The following VPS35L variants were observed in gnomAD, a reference collection of about 807,000 sequenced individuals.
The protein encoded by VPS35L is VPS35 endosomal protein-sorting factor-like.
A neutral mutation model predicts 133.0 loss-of-function variants in VPS35L; 83 were observed. The observed-to-expected ratio is 0.62, with a 90% CI of 0.52 to 0.75. The LOEUF is 0.75. VPS35L is among the 30% of genes least tolerant of loss of function. VPS35L has a pLI of 0.00. For missense variants in VPS35L, 1,083 were observed against 1,206.8 expected, an observed-to-expected ratio of 0.90 and a Z score of 1.52; for synonymous variants, 423 against 449.9, an observed-to-expected ratio of 0.94 and a Z score of 0.76.
intron 7 of VPS35L, chr16:19,587,255 A>G (rs1207573084): frequency 9.5e-6 from 4 of 419,786 alleles, no homozygotes; most frequent in Non-Finnish European, 1.4e-5. Flanking sequence ...ACAATTCGAC[A>G]TGAGATTTGG....
intron 21 of VPS35L, among the ~76,000 whole-genome samples, chr16:19,640,580 T>C (rs967472393): frequency 6.6e-6 from 1 of 152,266 alleles, no homozygotes; most frequent in Non-Finnish European, 1.5e-5. Context: ...TGTTTAGTTA[T>C]GTAGCTGACT....
intron 23 of VPS35L, among the ~76,000 whole-genome samples, chr16:19,646,278 CTCAG>C (rs756021821): frequency 2.0e-5 from 3 of 152,254 alleles, no homozygotes; most frequent in African/African-American, 4.8e-5. Flanking sequence ...CACCACTGTT[CTCAG>C]TCAGTGATTC....
intron 1 of VPS35L, among the ~76,000 whole-genome samples, chr16:19,555,958 T>C (rs1462185544): frequency 6.6e-6 from 1 of 152,138 alleles, no homozygotes; most frequent in Non-Finnish European, 1.5e-5. Flanking sequence ...TCTCTCCCCG[T>C]CTGCTGCCTC....
chr16:19,698,664 ACACGC>A (rs1976002674), intron 29 of VPS35L, among the ~76,000 whole-genome samples: 1 of 152,182 alleles, frequency 6.6e-6, no homozygotes, highest in Non-Finnish European at 1.5e-5. Flanking sequence ...AAGGGCTCTT[ACACGC>A]ATTCACTGTC....
intron 16 of VPS35L, 61 bp from the exon 17 acceptor site, chr16:19,628,576 T>A (rs528786008): frequency 5.5e-6 from 5 of 906,824 alleles, no homozygotes; most frequent in African/African-American, 5.1e-5. Flanking sequence ...TTCTTTTCTT[T>A]GAGCTTCAAG....
intron 28 of VPS35L, among the ~76,000 whole-genome samples, chr16:19,690,761 GCCAGCATGGTGAAACC>G (rs1975641468): frequency 6.6e-6 from 1 of 152,116 alleles, no homozygotes; most frequent in Non-Finnish European, 1.5e-5. Flanking sequence ...GACCAGCTTG[GCCAGCATGGTGAAACC>G]CCATCTCTAT....
At chr16:19,670,490 A>T (rs555276193) in intron 27 of VPS35L, among the ~76,000 whole-genome samples, 1 of 152,338 alleles carries the variant, frequency 6.6e-6, no homozygotes, top group South Asian at 2.1e-4. Context: ...GGTTGCCATG[A>T]ATATTAAGTT....
chr16:19,671,381 A>G (rs1371134742), intron 27 of VPS35L, among the ~76,000 whole-genome samples: 2 of 151,718 alleles, frequency 1.3e-5, no homozygotes, highest in African/African-American at 4.8e-5. Context: ...AGGCAGGAGA[A>G]TCGCTTGAAC....
intron 27 of VPS35L, among the ~76,000 whole-genome samples, 170 bp downstream of exon 27, chr16:19,669,469 G>C (rs61631025): frequency 6.6e-6 from 1 of 151,504 alleles, no homozygotes; most frequent in South Asian, 2.1e-4. Context: ...TGCTGGGTGG[G>C]GATCATACTA....
intron 26 of VPS35L, among the ~76,000 whole-genome samples, chr16:19,661,498 A>ACATC (rs1449598181): frequency 6.6e-6 from 1 of 152,188 alleles, no homozygotes; most frequent in Non-Finnish European, 1.5e-5. Flanking sequence ...CCTCAGGTGG[A>ACATC]CATCCCAGTG....
At chr16:19,578,474 G>A in intron 5 of VPS35L, 1 of 366,152 alleles carries the variant, frequency 2.7e-6, no homozygotes, top group Middle Eastern at 9.4e-4. Context: ...GCATCGCCCT[G>A]CCTTGTGGCT....
At chr16:19,650,524 C>T in intron 25 of VPS35L, 65 bp downstream of exon 25, 1 of 1,262,752 alleles carries the variant, frequency 7.9e-7, no homozygotes, top group Non-Finnish European at 1.2e-6. Context: ...TTGCAGGTTA[C>T]TAAATTACAT....
At chr16:19,595,095 A>G (rs1356108842) in intron 8 of VPS35L, among the ~76,000 whole-genome samples, 2 of 152,192 alleles carry the variant, frequency 1.3e-5, no homozygotes, top group Non-Finnish European at 1.5e-5. Context: ...AGAAACTGAC[A>G]TGGTCAGAGA....
At chr16:19,596,235 T>A (rs1972211152) in intron 8 of VPS35L, among the ~76,000 whole-genome samples, 1 of 151,950 alleles carries the variant, frequency 6.6e-6, no homozygotes, top group African/African-American at 2.4e-5. Flanking sequence ...TCAAAGCACC[T>A]ACTTTATTTC....
At chr16:19,656,900 C>A (rs113356161) in intron 26 of VPS35L, among the ~76,000 whole-genome samples, 1 of 149,810 alleles carries the variant, frequency 6.7e-6, no homozygotes, top group African/African-American at 2.5e-5. Context: ...AAAAGACTTG[C>A]GGTTCCTCCA....
chr16:19,693,676 T>C (rs1032369915), intron 29 of VPS35L, among the ~76,000 whole-genome samples: 1 of 150,722 alleles, frequency 6.6e-6, no homozygotes, highest in African/African-American at 2.4e-5. Context: ...CCCAGCTACT[T>C]GGGAGGCTGA....
At chr16:19,559,293 C>G (rs922507806) in intron 1 of VPS35L, among the ~76,000 whole-genome samples, 1 of 152,126 alleles carries the variant, frequency 6.6e-6, no homozygotes, top group Non-Finnish European at 1.5e-5. Context: ...GGTATTTCAG[C>G]CCGCCCAGGT....
At position 19,691,352 on chromosome 16, in the gene VPS35L, G is replaced by A. The variant is rs1474380451; in HGVS notation, c.2528-1G>A. ...TCTCACTGTTCTTGTTTGTTCAACAGTGGACTCCAACGACAGCCTCTACGG... is the reference window on the plus strand; with the variant it reads ...TCTCACTGTTCTTGTTTGTTCAACAATGGACTCCAACGACAGCCTCTACGG... On this transcript the variant is annotated splice_acceptor_variant, in intron 28 of 30. Coordinates refer to ENST00000417362, the MANE Select transcript of VPS35L (RefSeq NM_020314.7). LOFTEE classifies it high-confidence loss of function. 1 of 1,611,506 alleles carries A rather than the reference G, an allele frequency of 6.2e-7. No homozygotes were observed. The highest frequency in any genetic ancestry group is 2.2e-5 in the East Asian group (1 of 44,832).
intron 12 of VPS35L, among the ~76,000 whole-genome samples, chr16:19,615,882 C>T (rs1418250958): frequency 2.0e-5 from 3 of 151,232 alleles, no homozygotes; most frequent in Non-Finnish European, 4.4e-5. Flanking sequence ...CAGGAGAATC[C>T]CTTGAACCAG....
Sources: allele counts gnomAD v4.1 joint callset (sites outside exome capture counted in the v4.1 genomes callset), GRCh38; gene constraint gnomAD v4.1.1; transcripts MANE v1.5; gene names NCBI Gene and HGNC (gene_info 2026-07-23, HGNC 2026-07-21).